The following KLHL32 variants were observed in gnomAD, a reference collection of about 807,000 sequenced individuals.
The protein encoded by KLHL32 is kelch like family member 32, also known as kelch-like protein 32.
In KLHL32, 35 loss-of-function variants were observed where a neutral mutation model predicts 64.8. That is an observed-to-expected ratio of 0.54 (90% confidence interval 0.41 to 0.72). The LOEUF (loss-of-function observed/expected upper bound fraction) is 0.72. KLHL32 is among the 30% of genes least tolerant of loss of function. The pLI, the probability that KLHL32 is intolerant of heterozygous loss-of-function variation, is 0.00. For synonymous variants in KLHL32, 259 were observed against 281.0 expected (o/e 0.92, Z 0.78); for missense variants, 589 against 768.5 (o/e 0.77, Z 2.76).
chr6:97,089,744 C>G (rs1283476385), intron 6 of KLHL32, among the ~76,000 whole-genome samples: 1 of 147,970 alleles, frequency 6.8e-6, no homozygotes, highest in Admixed American at 6.8e-5. Context: ...TGCGCCACTA[C>G]ACTCCAGCTG....
At chr6:96,991,799 G>T (rs1383602968) in intron 3 of KLHL32, among the ~76,000 whole-genome samples, 1 of 152,100 alleles carries the variant, frequency 6.6e-6, no homozygotes, top group African/African-American at 2.4e-5. Flanking sequence ...ACCGCGGAGA[G>T]CCCTAGCAGG....
intron 10 of KLHL32, among the ~76,000 whole-genome samples, chr6:97,136,190 C>G (rs1799987968): frequency 6.6e-6 from 1 of 152,100 alleles, no homozygotes. Flanking sequence ...TTTGGAAGTA[C>G]TAATTTTTTT....
At chr6:97,029,890 C>T (rs1223999179) in intron 3 of KLHL32, among the ~76,000 whole-genome samples, 2 of 152,152 alleles carry the variant, frequency 1.3e-5, no homozygotes, top group African/African-American at 2.4e-5. Context: ...TGCCTCATGG[C>T]CATTGTAAAC....
chr6:96,972,895 T>A (rs1466726525), intron 2 of KLHL32, among the ~76,000 whole-genome samples: 1 of 152,206 alleles, frequency 6.6e-6, no homozygotes, highest in Non-Finnish European at 1.5e-5. Context: ...GTGGGCGTGC[T>A]CCCTTCCAGC....
At chr6:96,907,662 C>T in the KLHL32 span, among the ~76,000 whole-genome samples, 150 of 152,334 alleles carry the variant, frequency 9.8e-4, no homozygotes, top group Non-Finnish European at 1.3e-3. Flanking sequence ...TGCTGCTCAT[C>T]AGAAGAGTGA....
At chr6:97,112,037 G>A (rs987121089) in intron 6 of KLHL32, among the ~76,000 whole-genome samples, 1 of 152,014 alleles carries the variant, frequency 6.6e-6, no homozygotes, top group East Asian at 1.9e-4. Flanking sequence ...AGGATGGGGG[G>A]GTGGGGTGGA....
intron 3 of KLHL32, among the ~76,000 whole-genome samples, chr6:96,993,378 C>G (rs1336720769): frequency 6.6e-6 from 1 of 152,078 alleles, no homozygotes; most frequent in Non-Finnish European, 1.5e-5. Flanking sequence ...GAAGCTGGGC[C>G]ATGTATTTAG....
rs377571329 is a variant in KLHL32, at chr6:97,074,696, A to G, written c.411+9970A>G. Among the ~76,000 whole-genome samples the G allele has an allele frequency of 3.9e-5, 6 of 151,902 alleles. No individual in the cohort carries two copies. In the East Asian group the frequency reaches 5.8e-4, roughly 15 times the overall value. ...TGCAGTACTGGGCTAATTTTCAGCA[A>G]TCTGACTTTGTGTACTAGAGCAAGT... is the stretch of plus-strand genomic sequence containing the variant. On this transcript the variant is annotated intron_variant, in intron 5 of 10. Coordinates refer to ENST00000369261, the MANE Select transcript of KLHL32 (RefSeq NM_052904.4).
chr6:97,114,134 A>G lies in KLHL32; in HGVS notation c.979A>G (p.Ser327Gly), dbSNP rs372691435. The G allele has an allele frequency of 6.2e-7, 1 of 1,614,064 alleles. No homozygotes were observed. Among genetic ancestry groups the G allele is most frequent in the Non-Finnish European group, 8.5e-7 (1 of 1,180,050 alleles). ...TCTCATAGCTGCCATTGCCAACTGG[A>G]GTGAGCTGGCTCCCATGCCTGTGGG... Reference protein sequence around the residue: ...NALIAAIANWSELAPMPVGRS... With the variant: ...NALIAAIANWGELAPMPVGRS... Residue 327 changes from serine to glycine, a missense_variant, in exon 7 of 11, where the codon AGT becomes GGT. Ser to Gly is a moderately conservative substitution (Grantham distance 56). This residue lies in a region of KLHL32 where 226 missense variants were observed against 353.2 expected (regional missense o/e 0.64). Transcript: ENST00000369261.
chr6:97,115,285 G>A (rs1409463148), intron 7 of KLHL32, among the ~76,000 whole-genome samples: 1 of 152,166 alleles, frequency 6.6e-6, no homozygotes, highest in African/African-American at 2.4e-5. Context: ...CAAAGTGTTG[G>A]GATTGCAGGC....
intron 4 of KLHL32, among the ~76,000 whole-genome samples, chr6:97,057,511 C>T (rs1346112765): frequency 6.6e-6 from 1 of 151,920 alleles, no homozygotes. Flanking sequence ...TATTTGCCAC[C>T]TGTCTTCTTT....
chr6:96,972,921 C>T (rs1037860076), intron 2 of KLHL32, among the ~76,000 whole-genome samples: 7 of 152,114 alleles, frequency 4.6e-5, no homozygotes, highest in Non-Finnish European at 1.0e-4. Context: ...TCTGTGGCCA[C>T]GTGTGCCTTA....
intron 6 of KLHL32, among the ~76,000 whole-genome samples, chr6:97,109,694 T>C (rs1796865408): frequency 2.6e-5 from 4 of 152,150 alleles, no homozygotes; most frequent in African/African-American, 7.2e-5. Flanking sequence ...GAAGAGCTGA[T>C]TTATGAGGAG....
intron 3 of KLHL32, among the ~76,000 whole-genome samples, chr6:97,027,057 G>A (rs1251457134): frequency 1.3e-5 from 2 of 151,650 alleles, no homozygotes; most frequent in Non-Finnish European, 2.9e-5. Flanking sequence ...AGCTACTCGG[G>A]AGGCTGAGGC....
At chr6:96,977,189 A>G (rs907905654) in intron 3 of KLHL32, among the ~76,000 whole-genome samples, 1 of 152,234 alleles carries the variant, frequency 6.6e-6, no homozygotes, top group Non-Finnish European at 1.5e-5. Context: ...TGATCCTCAC[A>G]ACAACCCATT....
rs556192730 is a variant in KLHL32, at chr6:97,122,365, G to T, written c.1355-5039G>T. Reference sequence around the variant, plus strand: ...TTAATTTAATGCATGGATTATGTATGCTTCTATTCAAGATGCTAATTTAGT... The same window carrying T: ...TTAATTTAATGCATGGATTATGTATTCTTCTATTCAAGATGCTAATTTAGT... On this transcript the variant is annotated intron_variant, in intron 7 of 10. Coordinates refer to ENST00000369261, the MANE Select transcript of KLHL32 (RefSeq NM_052904.4). 7.2e-4 allele frequency among the ~76,000 whole-genome samples: 109 copies of T among 152,214 alleles called. 1 individual carries two copies. Among genetic ancestry groups the T allele is most frequent in the African/African-American group, 2.5e-3 (104 of 41,516 alleles).
chr6:97,127,515 T>A, intron 8 of KLHL32, 53 bp downstream of exon 8: 1 of 1,414,608 alleles, frequency 7.1e-7, no homozygotes, highest in South Asian at 1.2e-5. Context: ...TTTTAAAAGA[T>A]TCCAGAGTAA....
intron 7 of KLHL32, among the ~76,000 whole-genome samples, chr6:97,117,809 T>C (rs1226133604): frequency 6.6e-6 from 1 of 152,212 alleles, no homozygotes; most frequent in Non-Finnish European, 1.5e-5. Context: ...GAGGGAAAAT[T>C]AATCCTGAGC....
chr6:97,082,636 A>G (rs1582964545), intron 5 of KLHL32, among the ~76,000 whole-genome samples: 1 of 151,942 alleles, frequency 6.6e-6, no homozygotes, highest in African/African-American at 2.4e-5. Flanking sequence ...TAAATAAATA[A>G]AAAGAAAGAA....
Sources: allele counts gnomAD v4.1 joint callset (sites outside exome capture counted in the v4.1 genomes callset), GRCh38; gene constraint gnomAD v4.1.1; regional missense constraint gnomAD v4.1.1; transcripts MANE v1.5; gene names NCBI Gene and HGNC (gene_info 2026-07-23, HGNC 2026-07-21).